The following ASTN2 variants were observed in gnomAD, a reference collection of about 807,000 sequenced individuals.
ASTN2 encodes astrotactin 2.
In ASTN2, 54 loss-of-function variants were observed where a neutral mutation model predicts 139.8. The observed-to-expected ratio is 0.39, with a 90% confidence interval of 0.31 to 0.48. ASTN2 has a LOEUF of 0.48. ASTN2 is among the 20% of genes least tolerant of loss of function. ASTN2 has a pLI of 0.95. For synonymous variants in ASTN2, 756 were observed against 719.5 expected (o/e 1.05, Z -0.81); for missense variants, 1,565 against 1,725.1 (o/e 0.91, Z 1.64).
chr9:116,475,909 A>G (rs1848964832), intron 20 of ASTN2, among the ~76,000 whole-genome samples: 1 of 152,172 alleles, frequency 6.6e-6, no homozygotes, highest in Non-Finnish European at 1.5e-5. Flanking sequence ...TCTCTGCTGC[A>G]GCGTTGTCTC....
intron 20 of ASTN2, among the ~76,000 whole-genome samples, chr9:116,463,516 G>T (rs538675303): frequency 1.3e-5 from 2 of 152,140 alleles, no homozygotes; most frequent in Non-Finnish European, 2.9e-5. Context: ...CTCAGCCTAT[G>T]GGCTTTTGCT....
In ASTN2 at chr9:116,487,383, C is replaced by T; in HGVS notation, c.3473G>A (p.Cys1158Tyr). ...EVSIYSVIFK[C>Y]LEPDGLYKFT... ...CTTGTAGAGACCGTCGGGCTCCAGA[C>T]ACTTGAAGATGACTGAGTAGATACT... Residue 1158 changes from cysteine to tyrosine, a missense_variant, in exon 20 of 23, where the codon TGT becomes TAT. Cys to Tyr is a radical substitution (Grantham distance 194). Coordinates refer to ENST00000313400, the MANE Select transcript of ASTN2 (RefSeq NM_001365068.1). The T allele has an allele frequency of 6.2e-7, 1 of 1,614,038 alleles. No individual in the cohort carries two copies. Among genetic ancestry groups the T allele is most frequent in the Non-Finnish European group, 8.5e-7 (1 of 1,179,952 alleles).
chr9:116,780,902 C>T lies in ASTN2; in HGVS notation c.2396+24730G>A, dbSNP rs528933409. Among the ~76,000 whole-genome samples the T allele has an allele frequency of 1.4e-3, 215 of 150,734 alleles. 2 individuals carry two copies. Among genetic ancestry groups the T allele is most frequent in the African/African-American group, 2.5e-3 (102 of 41,012 alleles). ...TTACCCAGGCTGGAGTGCAATGGCG[C>T]GATCTTGGCTCACTGCAACTTCCGC... On this transcript the variant is annotated intron_variant, in intron 13 of 22. Coordinates refer to ENST00000313400, the MANE Select transcript of ASTN2 (RefSeq NM_001365068.1).
At chr9:117,349,833 T>TCAC (rs1829334385) in intron 1 of ASTN2, among the ~76,000 whole-genome samples, 1 of 152,166 alleles carries the variant, frequency 6.6e-6, no homozygotes, top group South Asian at 2.1e-4. Context: ...CAAAGGGACT[T>TCAC]CACCTCTGGC....
At chr9:117,363,976 C>T (rs896216865) in intron 1 of ASTN2, among the ~76,000 whole-genome samples, 2 of 152,144 alleles carry the variant, frequency 1.3e-5, no homozygotes, top group East Asian at 1.9e-4. Flanking sequence ...CCTGTCTAAA[C>T]GTGGATTAAA....
rs145496132 is a variant in ASTN2, at chr9:117,240,884, C to T, written c.631-26142G>A. On this transcript the variant is annotated intron_variant, in intron 2 of 22. Coordinates refer to ENST00000313400, the MANE Select transcript of ASTN2 (RefSeq NM_001365068.1). ...TTTCACACTCCACACCTTATGTTCT[C>T]GGCACTCATTTTCTGCATATTTTGA... Among the ~76,000 whole-genome samples, 294 of 152,268 alleles carry T rather than the reference C, an allele frequency of 1.9e-3. 2 individuals are homozygous for T. In the Middle Eastern group the frequency reaches 0.027, roughly 14 times the overall value.
chr9:116,579,311 G>A (rs1211697697), intron 19 of ASTN2, among the ~76,000 whole-genome samples: 1 of 152,204 alleles, frequency 6.6e-6, no homozygotes, highest in African/African-American at 2.4e-5. Context: ...CACTGGATCT[G>A]TCTGTCATAA....
At position 117,181,025 on chromosome 9, in the gene ASTN2, G is replaced by A. The variant is rs1831050563; in HGVS notation, c.1015+33333C>T. ...CGCATGCCTGTTTGGAGCCTGCACT[G>A]GGGTAGCGCAAGGTCAGAAACATAA... On this transcript the variant is annotated intron_variant, in intron 3 of 22. Transcript: ENST00000313400. 1.1e-5 allele frequency: 17 copies of A among 1,575,254 alleles called. 1 individual carries two copies. In the South Asian group the frequency reaches 1.9e-4, roughly 17 times the overall value.
intron 2 of ASTN2, among the ~76,000 whole-genome samples, chr9:117,228,363 C>T (rs1288609488): frequency 6.6e-6 from 1 of 152,036 alleles, no homozygotes; most frequent in East Asian, 1.9e-4. Flanking sequence ...TTTTCAAAAC[C>T]TATTACAAGT....
At chr9:117,217,800 G>A (rs374295358) in intron 2 of ASTN2, among the ~76,000 whole-genome samples, 9 of 152,296 alleles carry the variant, frequency 5.9e-5, no homozygotes, top group East Asian at 1.9e-4. Flanking sequence ...TGTGTTGAAC[G>A]AATAAAGGAA....
intron 2 of ASTN2, among the ~76,000 whole-genome samples, chr9:117,246,738 T>A (rs762364382): frequency 2.0e-5 from 3 of 152,128 alleles, no homozygotes; most frequent in Non-Finnish European, 4.4e-5. Flanking sequence ...GGGTACAAGG[T>A]GCTGTGCCAG....
At chr9:117,278,692 T>C (rs180768443) in intron 2 of ASTN2, among the ~76,000 whole-genome samples, 239 of 152,142 alleles carry the variant, frequency 1.6e-3, no homozygotes, top group Non-Finnish European at 2.8e-3. Flanking sequence ...AAAAAACAAG[T>C]GTTATTTTGC....
intron 3 of ASTN2, among the ~76,000 whole-genome samples, chr9:117,145,794 T>C (rs371677865): frequency 6.6e-6 from 1 of 152,330 alleles, no homozygotes. Flanking sequence ...AGCTGGGACC[T>C]TGACTGATAT....
chr9:116,725,323 A>C (rs959262374), intron 16 of ASTN2, among the ~76,000 whole-genome samples: 1 of 151,846 alleles, frequency 6.6e-6, no homozygotes, highest in Admixed American at 6.6e-5. Flanking sequence ...CTTGGTTATG[A>C]GGTGATTGTT....
intron 16 of ASTN2, among the ~76,000 whole-genome samples, chr9:116,716,054 G>A (rs777598734): frequency 6.6e-6 from 1 of 152,160 alleles, no homozygotes; most frequent in Non-Finnish European, 1.5e-5. Flanking sequence ...CATCTCCAGG[G>A]AAATTCCACA....
intron 4 of ASTN2, among the ~76,000 whole-genome samples, chr9:117,135,716 C>T (rs1012960853): frequency 9.9e-5 from 15 of 152,064 alleles, no homozygotes; most frequent in African/African-American, 3.1e-4. Context: ...TGCTGGGCTG[C>T]GGCTGCGGTA....
chr9:116,814,673 C>A (rs1158946006), intron 12 of ASTN2, among the ~76,000 whole-genome samples: 1 of 152,182 alleles, frequency 6.6e-6, no homozygotes, highest in Non-Finnish European at 1.5e-5. Flanking sequence ...AAATATGTTT[C>A]TCCACTGCAT....
At chr9:116,660,664 C>T (rs370391100) in intron 16 of ASTN2, among the ~76,000 whole-genome samples, 3 of 152,154 alleles carry the variant, frequency 2.0e-5, no homozygotes, top group South Asian at 2.1e-4. Flanking sequence ...CCCTTGAAAC[C>T]TGCCTGATGC....
intron 1 of ASTN2, among the ~76,000 whole-genome samples, chr9:117,323,910 G>A (rs930069669): frequency 3.9e-5 from 6 of 151,976 alleles, no homozygotes; most frequent in African/African-American, 1.5e-4. Context: ...TCACTTAATC[G>A]ACCAACAAAT....
Sources: allele counts gnomAD v4.1 joint callset (sites outside exome capture counted in the v4.1 genomes callset), GRCh38; gene constraint gnomAD v4.1.1; transcripts MANE v1.5; gene names NCBI Gene and HGNC (gene_info 2026-07-23, HGNC 2026-07-21).